ITK: variants seen among roughly 807,000 people sequenced by gnomAD.
ITK encodes tyrosine-protein kinase ITK/TSK.
Under a neutral mutation model 87.6 loss-of-function variants are expected in ITK, and 45 were observed. The ratio of observed to expected loss-of-function variants is 0.51; its 90% CI spans 0.40 to 0.66. The LOEUF (loss-of-function observed/expected upper bound fraction) is 0.66, where lower values mean the gene tolerates loss of function less well. ITK is among the 30% of genes least tolerant of loss of function. The probability of loss-of-function intolerance (pLI) is 0.00; values close to 1 mark genes in which losing one functional copy is unlikely to be tolerated. For synonymous variants in ITK, 303 were observed against 273.6 expected (o/e 1.11, Z -1.06); for missense variants, 605 against 766.3 (o/e 0.79, Z 2.48).
intron 1 of ITK, among the ~76,000 whole-genome samples, chr5:157,188,851 A>T (rs181319316): frequency 6.6e-6 from 1 of 152,196 alleles, no homozygotes; most frequent in Non-Finnish European, 1.5e-5. Flanking sequence ...TGTTAGGTTT[A>T]TGGATCTGCT....
At chr5:157,224,565 A>G (rs1055334077) in intron 6 of ITK, among the ~76,000 whole-genome samples, 25 of 152,212 alleles carry the variant, frequency 1.6e-4, no homozygotes, top group African/African-American at 5.5e-4. Context: ...TGATCACCTG[A>G]GGTCAGGAGT....
At chr5:157,221,433 G>GTATAA (rs1029407150) in intron 5 of ITK, among the ~76,000 whole-genome samples, 4 of 152,124 alleles carry the variant, frequency 2.6e-5, no homozygotes, top group African/African-American at 9.7e-5. Context: ...TATAATTACT[G>GTATAA]TATAAGCTGG....
chr5:157,189,687 G>GA (rs1395803236), intron 1 of ITK, among the ~76,000 whole-genome samples: 4 of 151,508 alleles, frequency 2.6e-5, no homozygotes, highest in African/African-American at 4.8e-5. Context: ...TCACAAAACA[G>GA]AAAAAAAGGA....
At chr5:157,243,974 C>G in intron 12 of ITK, 180 bp downstream of exon 12, 1 of 703,898 alleles carries the variant, frequency 1.4e-6, no homozygotes, top group South Asian at 1.6e-5. Flanking sequence ...CCACCATAAT[C>G]TGATCATGCC....
intron 9 of ITK, 115 bp downstream of exon 9, chr5:157,238,306 G>T (rs1272905692): frequency 2.5e-6 from 2 of 810,490 alleles, no homozygotes; most frequent in African/African-American, 3.4e-5. Flanking sequence ...ACTAGAAATG[G>T]TCTGTTTTCC....
At chr5:157,244,204 T>C in intron 12 of ITK, 58 bp from the exon 13 acceptor site, 1 of 1,322,766 alleles carries the variant, frequency 7.6e-7, no homozygotes, top group Non-Finnish European at 1.1e-6. Context: ...CCATAATATT[T>C]TCGGCATTTT....
At chr5:157,238,070 C>T (rs1754812921) in intron 8 of ITK, 39 bp from the exon 9 acceptor site, 3 of 1,516,486 alleles carry the variant, frequency 2.0e-6, no homozygotes, top group Non-Finnish European at 2.7e-6. Context: ...GCCTGGTTTC[C>T]TGAGATCACT....
intron 5 of ITK, among the ~76,000 whole-genome samples, chr5:157,221,600 A>G (rs79597224): frequency 6.6e-6 from 1 of 152,168 alleles, no homozygotes. Context: ...AGAAAAAAAA[A>G]TACATGTCCA....
chr5:157,234,704 T>G (rs1754741908), intron 8 of ITK, among the ~76,000 whole-genome samples: 1 of 152,022 alleles, frequency 6.6e-6, no homozygotes, highest in Non-Finnish European at 1.5e-5. Flanking sequence ...TTCTCACTCA[T>G]AAGTGGGAGA....
At chr5:157,241,615 C>T (rs1258268416) in intron 10 of ITK, 31 bp from the exon 11 acceptor site, 4 of 1,539,718 alleles carry the variant, frequency 2.6e-6, no homozygotes, top group African/African-American at 1.4e-5. Context: ...AAAGCCCTAA[C>T]CACTGCTTCT....
At chr5:157,193,520 C>G (rs970260042) in intron 1 of ITK, among the ~76,000 whole-genome samples, 4 of 152,102 alleles carry the variant, frequency 2.6e-5, no homozygotes, top group African/African-American at 9.7e-5. Context: ...TTTTATATGT[C>G]TTATATCATA....
In ITK at chr5:157,214,067, A is replaced by T. The variant is rs1754247936; in HGVS notation, c.326-124A>T. Reference sequence around the variant, plus strand: ...GCGCTCAGATCAACCCATGCTTCTGAGTGGTCTGGGCAATACTCATTCAGG... The same window carrying T: ...GCGCTCAGATCAACCCATGCTTCTGTGTGGTCTGGGCAATACTCATTCAGG... On this transcript the variant is annotated intron_variant, in intron 3 of 16. Coordinates refer to ENST00000422843, the MANE Select transcript of ITK (RefSeq NM_005546.4). 5.0e-6 allele frequency: 4 copies of T among 799,402 alleles called. No homozygotes were observed. The South Asian group carries it at 5.4e-5, about 11-fold the overall frequency. 49.5% of individuals were successfully genotyped at this position (799,402 alleles called of 1,614,324 possible).
chr5:157,248,401 T>C (rs940560222), intron 15 of ITK, among the ~76,000 whole-genome samples: 1 of 152,186 alleles, frequency 6.6e-6, no homozygotes, highest in Admixed American at 6.6e-5. Flanking sequence ...TTGACGTCTT[T>C]TTTAAAAAAA....
chr5:157,187,871 C>A (rs992262901), intron 1 of ITK, among the ~76,000 whole-genome samples: 1 of 151,978 alleles, frequency 6.6e-6, no homozygotes, highest in South Asian at 2.1e-4. Context: ...GGGATCACAG[C>A]TCACTGTAGC....
intron 5 of ITK, among the ~76,000 whole-genome samples, 173 bp downstream of exon 5, chr5:157,218,080 T>TG (rs35975420): frequency 1.3e-5 from 2 of 152,170 alleles, no homozygotes; most frequent in Non-Finnish European, 2.9e-5. Context: ...TGAACTCTCT[T>TG]GGGGGGTCTG....
intron 8 of ITK, among the ~76,000 whole-genome samples, chr5:157,237,545 T>C (rs1176778210): frequency 2.0e-5 from 3 of 152,206 alleles, no homozygotes; most frequent in Non-Finnish European, 4.4e-5. Flanking sequence ...TTTTAAAAGT[T>C]ATATATTCCC....
chr5:157,252,523 C>A, intron 16 of ITK, 84 bp from the exon 17 acceptor site: 1 of 951,798 alleles, frequency 1.1e-6, no homozygotes, highest in Non-Finnish European at 1.7e-6. Context: ...ACAGGGGATG[C>A]TGCTATTAAA....
chr5:157,181,346 A>T (rs569013956), intron 1 of ITK, among the ~76,000 whole-genome samples: 6 of 152,334 alleles, frequency 3.9e-5, no homozygotes, highest in African/African-American at 1.4e-4. Context: ...TTTAACATTC[A>T]TCAGCTTTTT....
rs772195553 is a variant in ITK at position 157,248,930 on chromosome 5, A to G, written c.1714A>G (p.Ser572Gly). 1 of 1,613,958 alleles carries G rather than the reference A, an allele frequency of 6.2e-7. No individual in the cohort carries two copies. The highest frequency in any genetic ancestry group is 1.1e-5 in the South Asian group (1 of 91,074). ...RSNSEVVEDI[S>G]TGFRLYKPRL... Reference sequence around the variant, plus strand: ...CAACTCAGAGGTGGTGGAAGACATCAGTACCGGATTTCGGTTGTACAAGCC... The same window carrying G: ...CAACTCAGAGGTGGTGGAAGACATCGGTACCGGATTTCGGTTGTACAAGCC... Residue 572 changes from serine to glycine, a missense_variant, in exon 16 of 17, where the codon AGT (serine) becomes GGT (glycine). By Grantham distance (56) the Ser-to-Gly change is moderately conservative. Transcript: ENST00000422843.
Sources: allele counts gnomAD v4.1 joint callset (sites outside exome capture counted in the v4.1 genomes callset), GRCh38; gene constraint gnomAD v4.1.1; transcripts MANE v1.5; gene names NCBI Gene and HGNC (gene_info 2026-07-23, HGNC 2026-07-21).